The following PRR5L variants were observed in gnomAD, a reference collection of about 807,000 sequenced individuals.
PRR5L encodes the protein proline rich 5 like, also known as proline-rich protein 5-like.
PRR5L carries 21 observed loss-of-function variants against 36.4 expected under a neutral mutation model. That is an observed-to-expected ratio of 0.58 (90% CI 0.41 to 0.83). The LOEUF is 0.83. Ranked by LOEUF, PRR5L falls within the 40% of genes least tolerant of loss-of-function variation. The probability of loss-of-function intolerance (pLI) is 0.00; values close to 1 mark genes in which losing one functional copy is unlikely to be tolerated. For missense variants in PRR5L, 381 were observed against 473.3 expected (o/e 0.80, Z 1.81); for synonymous variants, 188 against 197.0 (o/e 0.95, Z 0.38).
At chr11:36,351,408 T>C (rs1481862876) in intron 1 of PRR5L, among the ~76,000 whole-genome samples, 2 of 80,756 alleles carry the variant, frequency 2.5e-5, no homozygotes, top group Admixed American at 2.2e-4. Context: ...TTTATAAATA[T>C]ATATGTATAT....
chr11:36,446,436 T>G lies in PRR5L; in HGVS notation c.581T>G (p.Leu194Arg). The change falls in exon 7 of 9, where the codon CTG (leucine) becomes CGG (arginine). Residue 194 changes from leucine (L) to arginine (R), a missense_variant. Physicochemically the swap from Leu to Arg is moderately radical, Grantham distance 102. Transcript: ENST00000530639. ...TCCATTGTCCAGATGTTGCTCATCC[T>G]GCAGGTGAGGCTGTGCTGGAGACTT... Reference protein sequence around the residue: ...PSSIVQMLLILQSVHEPTGPS... With the variant: ...PSSIVQMLLIRQSVHEPTGPS... 1 of 1,614,112 alleles carries G rather than the reference T, an allele frequency of 6.2e-7. No individual in the cohort carries two copies. The highest frequency in any genetic ancestry group is 1.1e-5 in the South Asian group (1 of 91,086).
rs534382427 is a variant in PRR5L at position 36,416,886 on chromosome 11, G to A, written c.246-2369G>A. Among the ~76,000 whole-genome samples, 3 of 152,228 alleles carry A rather than the reference G, an allele frequency of 2.0e-5. No homozygotes were observed. The East Asian group carries it at 5.8e-4, about 29-fold the overall frequency. ...GCATCAGGATGCTTTTCTGCATCCCGCTGTGAGATGCCTGGGGCAACCTTT... is the reference window on the plus strand; with the variant it reads ...GCATCAGGATGCTTTTCTGCATCCCACTGTGAGATGCCTGGGGCAACCTTT... On this transcript the variant is annotated intron_variant, in intron 3 of 8. Coordinates refer to ENST00000530639, the MANE Select transcript of PRR5L (RefSeq NM_001160167.2).
At chr11:36,355,245 C>T (rs1041766440) in intron 1 of PRR5L, among the ~76,000 whole-genome samples, 2 of 152,182 alleles carry the variant, frequency 1.3e-5, no homozygotes, top group East Asian at 1.9e-4. Flanking sequence ...AGAGCCTAAA[C>T]TAACATTTCT....
chr11:36,310,938 A>C (rs1856495096), intron 1 of PRR5L, among the ~76,000 whole-genome samples: 1 of 141,116 alleles, frequency 7.1e-6, no homozygotes, highest in African/African-American at 2.7e-5. Flanking sequence ...CAGAGGTTGC[A>C]GTGAGCCGAG....
At chr11:36,359,647 T>C (rs1857064597) in intron 1 of PRR5L, among the ~76,000 whole-genome samples, 1 of 152,176 alleles carries the variant, frequency 6.6e-6, no homozygotes, top group East Asian at 1.9e-4. Context: ...GCAGATGCCA[T>C]GAAGACACTA....
intron 1 of PRR5L, among the ~76,000 whole-genome samples, chr11:36,318,620 G>T (rs888450272): frequency 1.3e-5 from 2 of 152,202 alleles, no homozygotes; most frequent in Non-Finnish European, 2.9e-5. Flanking sequence ...AGTGCAAGTG[G>T]TTGGTGCAGA....
At chr11:36,434,640 G>A (rs754965933) in intron 5 of PRR5L, among the ~76,000 whole-genome samples, 39 of 152,134 alleles carry the variant, frequency 2.6e-4, no homozygotes, top group Non-Finnish European at 3.1e-4. Flanking sequence ...AAACTGCTGC[G>A]TTACATTAGA....
chr11:36,343,753 A>T lies in PRR5L; in HGVS notation c.-126+47315A>T, dbSNP rs201795502. 6.6e-5 allele frequency among the ~76,000 whole-genome samples: 10 copies of T among 152,326 alleles called. No individual in the cohort carries two copies. The East Asian group carries it at 1.9e-3, about 29-fold the overall frequency. ...ATGTGATTCTCGCAATGACGCCGTG[A>T]TGTAAATGCTATTATTACCTCCACT... On this transcript the variant is annotated intron_variant, in intron 1 of 8. Transcript: ENST00000530639.
intron 1 of PRR5L, among the ~76,000 whole-genome samples, chr11:36,331,065 T>G (rs908625339): frequency 6.6e-6 from 1 of 152,112 alleles, no homozygotes; most frequent in Non-Finnish European, 1.5e-5. Flanking sequence ...CTTGGCCTCC[T>G]AAAGTGCTGG....
At position 36,462,639 on chromosome 11, in the gene PRR5L, C is replaced by T; in HGVS notation, c.1010C>T (p.Ser337Phe). Residue 337 changes from serine (S) to phenylalanine (F), a missense_variant, in exon 9 of 9, where the codon TCC becomes TTC. Physicochemically the swap from Ser to Phe is radical, Grantham distance 155. Transcript: ENST00000530639. Reference protein sequence around the residue: ...PSFPPPHRQCSSEPNITDNPD... With the variant: ...PSFPPPHRQCFSEPNITDNPD... ...TTCCCCCCGCCCCACCGGCAGTGCTCCAGTGAGCCCAACATCACTGACAAC... is the reference window on the plus strand; with the variant it reads ...TTCCCCCCGCCCCACCGGCAGTGCTTCAGTGAGCCCAACATCACTGACAAC... 1 of 1,612,148 alleles carries T rather than the reference C, an allele frequency of 6.2e-7. No individual in the cohort carries two copies. Among genetic ancestry groups the T allele is most frequent in the Non-Finnish European group, 8.5e-7 (1 of 1,179,854 alleles).
chr11:36,322,330 C>A (rs1454953404), intron 1 of PRR5L, among the ~76,000 whole-genome samples: 1 of 152,042 alleles, frequency 6.6e-6, no homozygotes, highest in African/African-American at 2.4e-5. Flanking sequence ...TTTAAAGTAT[C>A]TCAGTAAAAT....
At chr11:36,451,879 T>C (rs577059087) in intron 8 of PRR5L, among the ~76,000 whole-genome samples, 45 of 152,258 alleles carry the variant, frequency 3.0e-4, no homozygotes, top group African/African-American at 7.7e-4. Context: ...GGGCCTTTTT[T>C]TGATGGCTGT....
intron 1 of PRR5L, among the ~76,000 whole-genome samples, chr11:36,353,580 T>C (rs2133495280): frequency 6.6e-6 from 1 of 152,232 alleles, no homozygotes; most frequent in Non-Finnish European, 1.5e-5. Context: ...ACTAGTTTTG[T>C]GGAAACAATT....
At chr11:36,317,781 T>A (rs193031279) in intron 1 of PRR5L, among the ~76,000 whole-genome samples, 1 of 152,210 alleles carries the variant, frequency 6.6e-6, no homozygotes, top group Non-Finnish European at 1.5e-5. Context: ...AGTGGGTTAA[T>A]AAGTGTGTGC....
chr11:36,433,713 C>A (rs1858547888), intron 5 of PRR5L, among the ~76,000 whole-genome samples: 1 of 152,144 alleles, frequency 6.6e-6, no homozygotes, highest in African/African-American at 2.4e-5. Flanking sequence ...CCACGCCCAG[C>A]TAATTTTTGT....
chr11:36,297,678 C>T (rs544002792), intron 1 of PRR5L, among the ~76,000 whole-genome samples: 40 of 152,278 alleles, frequency 2.6e-4, no homozygotes, highest in African/African-American at 8.2e-4. Flanking sequence ...GTTCTTAAGT[C>T]GCTTTTAGTT....
At chr11:36,363,039 A>G (rs111733775) in intron 1 of PRR5L, among the ~76,000 whole-genome samples, 105 of 152,316 alleles carry the variant, frequency 6.9e-4, no homozygotes, top group African/African-American at 2.5e-3. Context: ...TGGCTATGTC[A>G]CTGGACCAGG....
intron 1 of PRR5L, among the ~76,000 whole-genome samples, chr11:36,322,484 G>A (rs1856622327): frequency 1.3e-5 from 2 of 152,146 alleles, no homozygotes; most frequent in Admixed American, 6.5e-5. Context: ...CCGTACTTTG[G>A]TCATACCATT....
In PRR5L at chr11:36,316,527, G is replaced by A. The variant is rs568368891; in HGVS notation, c.-126+20089G>A. Among the ~76,000 whole-genome samples the A allele has an allele frequency of 9.4e-4, 143 of 152,100 alleles. 1 individual carries two copies. Among genetic ancestry groups the A allele is most frequent in the Non-Finnish European group, 1.7e-3 (115 of 68,016 alleles). On this transcript the variant is annotated intron_variant, in intron 1 of 8. Transcript: ENST00000530639. ...GTGGGAAGTGCTGATTGGTGAGGTT[G>A]GAAATGGAAGCATAGAGGGGGTTGA...
Sources: gnomAD v4.1 joint callset for allele counts (sites outside exome capture counted in the v4.1 genomes callset) on GRCh38, gnomAD v4.1.1 for gene constraint, MANE v1.5 for transcripts, NCBI Gene and HGNC (gene_info 2026-07-23, HGNC 2026-07-21) for gene names.